Variants in SLC6A16 observed in about 807,000 individuals in gnomAD.
SLC6A16 encodes orphan sodium- and chloride-dependent neurotransmitter transporter NTT5.
Under a neutral mutation model 65.4 loss-of-function variants are expected in SLC6A16, and 54 were observed. The ratio of observed to expected loss-of-function variants is 0.83; its 90% CI spans 0.66 to 1.04. SLC6A16 has a LOEUF of 1.04. Ranked by LOEUF, SLC6A16 falls within the 50% of genes least tolerant of loss-of-function variation. SLC6A16 has a pLI of 0.00. For synonymous variants in SLC6A16, 330 were observed against 346.5 expected, an observed-to-expected ratio of 0.95 and a Z score of 0.53; for missense variants, 816 against 914.0, an observed-to-expected ratio of 0.89 and a Z score of 1.38.
At chr19:49,337,245 A>G in the SLC6A16 span, 574 of 1,605,966 alleles carry the variant, frequency 3.6e-4, 7 homozygotes, top group South Asian at 6.1e-3. Flanking sequence ...AGTGGCCACC[A>G]CCCACCCCCA....
intron 7 of SLC6A16, chr19:49,305,836 C>T (rs1600628756): frequency 6.6e-6 from 1 of 152,014 alleles, no homozygotes; most frequent in East Asian, 1.9e-4. Flanking sequence ...AACTCATATC[C>T]CAGAAAAATG....
At position 49,309,016 on chromosome 19, in the gene SLC6A16, G is replaced by A; in HGVS notation, c.1089C>T (p.Tyr363=). 1.9e-6 allele frequency: 3 copies of A among 1,614,138 alleles called. No homozygotes were observed. The highest frequency in any genetic ancestry group is 1.1e-5 in the South Asian group (1 of 91,086). The part of the protein sequence containing the change: ...GLGSVASLAS[Y]MPQSNNCLSD... Reference sequence around the variant, plus strand: ...TGAGACAGTTGTTGGACTGGGGCATGTAGGAGGCTAAGGAGGCAACGGAGC... The same window carrying A: ...TGAGACAGTTGTTGGACTGGGGCATATAGGAGGCTAAGGAGGCAACGGAGC... The change falls in exon 7 of 12, where the codon TAC becomes TAT. Residue 363 remains tyrosine (Y), a synonymous_variant. Transcript: ENST00000335875.
At chr19:49,336,925 T>G in the SLC6A16 span, 1 of 1,614,180 alleles carries the variant, frequency 6.2e-7, no homozygotes, top group Non-Finnish European at 8.5e-7. Flanking sequence ...CCTTCGTGCC[T>G]CTGCAGATCT....
At position 49,311,289 on chromosome 19, in the gene SLC6A16, G is replaced by A; in HGVS notation, c.59C>T (p.Thr20Ile). ...SLLANTSWTG[T>I]VISDSVPGSQ... ...TCCTGGGACACTGTCAGAAATCACT[G>A]TGCCAGTCCATGAGGTGTTTGCCAG... The change falls in exon 2 of 12, where the codon ACA becomes ATA. Residue 20 changes from threonine to isoleucine, a missense_variant. Thr to Ile is a moderately conservative substitution (Grantham distance 89). Coordinates refer to ENST00000335875, the MANE Select transcript of SLC6A16 (RefSeq NM_014037.3). The A allele has an allele frequency of 6.2e-7, 1 of 1,611,708 alleles. No individual in the cohort carries two copies. Among genetic ancestry groups the A allele is most frequent in the South Asian group, 1.1e-5 (1 of 90,688 alleles).
rs932750585 is a variant in SLC6A16, at chr19:49,290,596, G to A, written c.1941+9C>T. Reference sequence around the variant, plus strand: ...CCCAAAGGGGTTCTGGGTCCTGGGGGAGGCTCACGGTGCTTGAGTCCCAGG... The same window carrying A: ...CCCAAAGGGGTTCTGGGTCCTGGGGAAGGCTCACGGTGCTTGAGTCCCAGG... On this transcript the variant is annotated intron_variant, in intron 11 of 11. Transcript: ENST00000335875. The A allele has an allele frequency of 4.0e-5, 65 of 1,613,888 alleles. No homozygotes were observed. The highest frequency in any genetic ancestry group is 1.1e-4 in the African/African-American group (8 of 74,904).
At chr19:49,336,109 C>T in the SLC6A16 span, 7 of 390,486 alleles carry the variant, frequency 1.8e-5, no homozygotes, top group Non-Finnish European at 2.8e-5. Flanking sequence ...ACAGCAAGGA[C>T]GTAAAAGAGC....
chr19:49,340,039 C>T, the SLC6A16 span: 2 of 1,493,382 alleles, frequency 1.3e-6, no homozygotes, highest in Non-Finnish European at 1.8e-6. Context: ...TCCTTCTCAG[C>T]CTCTACCCCC....
At chr19:49,300,784 G>A (rs1433224542) in intron 7 of SLC6A16, among the ~76,000 whole-genome samples, 1 of 152,172 alleles carries the variant, frequency 6.6e-6, no homozygotes, top group Non-Finnish European at 1.5e-5. Context: ...GGGCGCGGTG[G>A]CTCATGCCTG....
chr19:49,315,038 CA>C (rs35235452), intron 1 of SLC6A16, among the ~76,000 whole-genome samples: 4,470 of 145,700 alleles, frequency 0.031, 173 homozygotes, highest in African/African-American at 0.074. Context: ...CCCTACCCAA[CA>C]AAAAAAAAAA....
At chr19:49,335,406 C>T in the SLC6A16 span, 3 of 719,594 alleles carry the variant, frequency 4.2e-6, no homozygotes, top group Admixed American at 2.3e-5. This position sits in a 1 kb window ranked among gnomAD's most constrained non-coding sequence, Gnocchi z 4.6. Flanking sequence ...CTGGAACTTC[C>T]TCTTTTGGGG....
chr19:49,331,849 CA>C, the SLC6A16 span: 1 of 456,494 alleles, frequency 2.2e-6, no homozygotes, highest in Non-Finnish European at 4.4e-6. Context: ...AAGAAGAAAC[CA>C]AGTTGGTGAG....
rs1970059572 is a variant in SLC6A16, at chr19:49,290,648, A to C, written c.1898T>G (p.Leu633Arg). 6.2e-7 allele frequency: 1 copy of C among 1,614,052 alleles called. No homozygotes were observed. Among genetic ancestry groups the C allele is most frequent in the Non-Finnish European group, 8.5e-7 (1 of 1,180,024 alleles). The change falls in exon 11 of 12, where the codon CTT becomes CGT. Residue 633 changes from leucine (L) to arginine (R), a missense_variant. Leu to Arg is a moderately radical substitution (Grantham distance 102, BLOSUM62 -2). Coordinates refer to ENST00000335875, the MANE Select transcript of SLC6A16 (RefSeq NM_014037.3). ...LIIFVTMMVH[L>R]CMKPITYMSW... ...CATGTAGGTGATCGGCTTCATACAA[A>C]GATGAACCATCATGGTCACAAAGAT...
At chr19:49,335,212 A>G in the SLC6A16 span, 1 of 344,162 alleles carries the variant, frequency 2.9e-6, no homozygotes, top group Non-Finnish European at 5.4e-6. The surrounding 1 kb of genome is among the most constrained non-coding windows in gnomAD (Gnocchi z 4.6). Flanking sequence ...GTCCCTTTAG[A>G]TCCCCCAGCG....
At chr19:49,314,699 T>A (rs1473407713) in intron 1 of SLC6A16, among the ~76,000 whole-genome samples, 3 of 152,182 alleles carry the variant, frequency 2.0e-5, no homozygotes, top group Non-Finnish European at 4.4e-5. Flanking sequence ...ATATAACTCC[T>A]GATACAATGC....
Position 49,311,391 on chromosome 19 carries a change from G to A in SLC6A16, c.-44C>T. ...GGCAGCTCCCGCTTCTGCAAGGGAG[G>A]GTTCATCTTCCTGAGGAGACCTGAA... On this transcript the variant is annotated 5_prime_UTR_variant, in exon 2 of 12. Coordinates refer to ENST00000335875, the MANE Select transcript of SLC6A16 (RefSeq NM_014037.3). 6.6e-7 allele frequency: 1 copy of A among 1,521,332 alleles called. No homozygotes were observed. The highest frequency in any genetic ancestry group is 8.8e-7 in the Non-Finnish European group (1 of 1,136,138). 94.2% of individuals were successfully genotyped at this position (1,521,332 alleles called of 1,614,324 possible).
upstream of SLC6A16, among the ~76,000 whole-genome samples, chr19:49,328,576 T>G (rs1970820096): frequency 6.6e-6 from 1 of 152,176 alleles, no homozygotes; most frequent in African/African-American, 2.4e-5. Flanking sequence ...TGAAAAGTGG[T>G]CAAATTCTGG....
In SLC6A16 at chr19:49,311,062, C is replaced by T. The variant is rs148710394; in HGVS notation, c.286G>A (p.Glu96Lys). ...GGACGGGCAAGGAGGACCTCACTCTCTTTCTTCTCTGTCATCTGCACCTTC... is the reference window on the plus strand; with the variant it reads ...GGACGGGCAAGGAGGACCTCACTCTTTTTCTTCTCTGTCATCTGCACCTTC... Reference protein sequence around the residue: ...HEKVQMTEKKESEVLLARPFW... With the variant: ...HEKVQMTEKKKSEVLLARPFW... Residue 96 changes from glutamate to lysine, a missense_variant, in exon 2 of 12, where the codon GAG becomes AAG. By Grantham distance (56) the Glu-to-Lys change is moderately conservative. Transcript: ENST00000335875. 4 of 1,614,220 alleles carry T rather than the reference C, an allele frequency of 2.5e-6. No individual in the cohort carries two copies. In the African/African-American group the frequency reaches 4.0e-5, roughly 16 times the overall value.
intron 7 of SLC6A16, among the ~76,000 whole-genome samples, chr19:49,308,010 G>A (rs1031395960): frequency 6.6e-6 from 1 of 150,930 alleles, no homozygotes; most frequent in African/African-American, 2.4e-5. Context: ...CTTCCTAAAT[G>A]TCTGTCTGAT....
At chr19:49,339,846 G>A in the SLC6A16 span, 1 of 1,331,770 alleles carries the variant, frequency 7.5e-7, no homozygotes, top group South Asian at 1.7e-5. This position sits in a 1 kb window ranked among gnomAD's most constrained non-coding sequence, Gnocchi z 4.5. Context: ...GGGGAGACAA[G>A]GCACCGCAGG....
Sources: allele counts gnomAD v4.1 joint callset (sites outside exome capture counted in the v4.1 genomes callset), GRCh38; gene constraint gnomAD v4.1.1; non-coding constraint Gnocchi (gnomAD v3.1); transcripts MANE v1.5; gene names NCBI Gene and HGNC (gene_info 2026-07-23, HGNC 2026-07-21).